The following NCAM1 variants were observed in gnomAD, a reference collection of about 807,000 sequenced individuals.
NCAM1 encodes antigen recognized by monoclonal antibody 5.1H11.
NCAM1 carries 14 observed loss-of-function variants against 109.8 expected under a neutral mutation model. That is an observed-to-expected ratio of 0.13 (90% CI 0.08 to 0.20). NCAM1 has a LOEUF of 0.20. Among genes scored for constraint, NCAM1 ranks in the 10% least tolerant of loss-of-function variants. The pLI, the probability that NCAM1 is intolerant of heterozygous loss-of-function variation, is 1.00. For synonymous variants in NCAM1, 418 were observed against 442.9 expected (o/e 0.94, Z 0.70); for missense variants, 774 against 1,109.9 (o/e 0.70, Z 4.30).
At chr11:113,248,813 G>C (rs1305926516) in intron 15 of NCAM1, among the ~76,000 whole-genome samples, 1 of 152,174 alleles carries the variant, frequency 6.6e-6, no homozygotes, top group East Asian at 1.9e-4. Flanking sequence ...TGGTTACTTG[G>C]CTCCTGAGCC....
At chr11:113,247,577 G>C (rs1555120541) in intron 15 of NCAM1, among the ~76,000 whole-genome samples, 1 of 152,242 alleles carries the variant, frequency 6.6e-6, no homozygotes, top group Middle Eastern at 3.4e-3. Context: ...AGCTTTATAG[G>C]GATGTCAGCT....
intron 1 of NCAM1, among the ~76,000 whole-genome samples, chr11:113,104,202 T>TTGGG (rs1940025809): frequency 3.9e-4 from 1 of 2,542 alleles, no homozygotes; most frequent in African/African-American, 1.5e-3. Flanking sequence ...GAAGAGGAGG[T>TTGGG]GGGGTGGGGG....
At chr11:113,161,990 G>C (rs1942615718) in intron 1 of NCAM1, among the ~76,000 whole-genome samples, 1 of 152,208 alleles carries the variant, frequency 6.6e-6, no homozygotes, top group African/African-American at 2.4e-5. Flanking sequence ...TGTGTGCCAG[G>C]TGAACTGCTG....
intron 1 of NCAM1, among the ~76,000 whole-genome samples, chr11:113,101,627 C>T (rs943157743): frequency 6.6e-6 from 1 of 152,170 alleles, no homozygotes; most frequent in Non-Finnish European, 1.5e-5. Context: ...TTTCTACTAT[C>T]TCTTTATGTA....
intron 1 of NCAM1, among the ~76,000 whole-genome samples, chr11:112,979,650 C>A (rs529238839): frequency 6.6e-6 from 1 of 151,928 alleles, no homozygotes; most frequent in Admixed American, 6.6e-5. Context: ...GTTTTGGGAT[C>A]TATCTGCTTC....
intron 1 of NCAM1, among the ~76,000 whole-genome samples, chr11:113,037,649 C>T (rs982284101): frequency 1.8e-4 from 27 of 152,316 alleles, no homozygotes; most frequent in Non-Finnish European, 2.4e-4. Context: ...TACAGCCTTA[C>T]GGTCAGTCAC....
intron 1 of NCAM1, among the ~76,000 whole-genome samples, chr11:113,032,620 C>T (rs1016182100): frequency 6.6e-6 from 1 of 152,194 alleles, no homozygotes; most frequent in Non-Finnish European, 1.5e-5. Context: ...TGGTGAGCAT[C>T]GTGGCGTTTT....
rs190866457 is a variant in NCAM1 at position 113,040,186 on chromosome 11, C to T, written c.52+78522C>T. Among the ~76,000 whole-genome samples, 185 of 151,980 alleles carry T rather than the reference C, an allele frequency of 1.2e-3. 2 individuals are homozygous for T. The East Asian group carries it at 0.029, about 24-fold the overall frequency. On this transcript the variant is annotated intron_variant, in intron 1 of 19. Coordinates refer to ENST00000316851, the MANE Select transcript of NCAM1 (RefSeq NM_181351.5). ...AATAAATAAATAAAATTAATTGATG[C>T]GATATCTTACCTTTTTGCTGTTGTT...
At chr11:113,221,163 G>A (rs1272582042) in intron 8 of NCAM1, 133 bp from the exon 9 acceptor site, 2 of 819,106 alleles carry the variant, frequency 2.4e-6, no homozygotes, top group Non-Finnish European at 3.9e-6. Flanking sequence ...ACCATTGAAA[G>A]TGGGCCTTGG....
In NCAM1 at chr11:113,271,871, G is replaced by A; in HGVS notation, c.2451G>A (p.Glu817=). ...CCAACGAGACCACGCCACTGACGGA[G>A]CCCGAGTACGTGGGCTGGGAGGGGC... ...TEPNETTPLT[E]PEKGPVEAKP... Residue 817 remains glutamate, a synonymous_variant, in exon 19 of 20, where the codon GAG becomes GAA. Coordinates refer to ENST00000316851, the MANE Select transcript of NCAM1 (RefSeq NM_181351.5). The A allele has an allele frequency of 1.9e-6, 3 of 1,562,150 alleles. No homozygotes were observed. The highest frequency in any genetic ancestry group is 2.4e-5 in the East Asian group (1 of 41,496).
intron 1 of NCAM1, among the ~76,000 whole-genome samples, chr11:112,964,107 T>C (rs915196244): frequency 2.0e-5 from 3 of 149,170 alleles, no homozygotes; most frequent in Non-Finnish European, 4.4e-5. Context: ...CAAGTATATA[T>C]ACATATGTAT....
chr11:112,966,055 A>G (rs1213763027), intron 1 of NCAM1, among the ~76,000 whole-genome samples: 1 of 152,204 alleles, frequency 6.6e-6, no homozygotes, highest in Non-Finnish European at 1.5e-5. Context: ...TGGTGTCAAG[A>G]TAAATATTTT....
At chr11:113,043,156 TG>T (rs1422645508) in intron 1 of NCAM1, among the ~76,000 whole-genome samples, 1 of 151,418 alleles carries the variant, frequency 6.6e-6, no homozygotes, top group Non-Finnish European at 1.5e-5. Context: ...GAGGGGGCAC[TG>T]GGGACAGATC....
chr11:112,993,763 G>A (rs781785805), intron 1 of NCAM1, among the ~76,000 whole-genome samples: 1 of 152,184 alleles, frequency 6.6e-6, no homozygotes, highest in Non-Finnish European at 1.5e-5. Flanking sequence ...TGTTCACTGA[G>A]GAGCCAAGTG....
chr11:113,009,606 G>C (rs1201263306), intron 1 of NCAM1, among the ~76,000 whole-genome samples: 4 of 152,040 alleles, frequency 2.6e-5, no homozygotes, highest in African/African-American at 9.7e-5. Context: ...GTGAGGATAG[G>C]AGTCTCCATG....
At chr11:113,269,706 C>A in intron 17 of NCAM1, 1 of 196,384 alleles carries the variant, frequency 5.1e-6, no homozygotes, top group Non-Finnish European at 1.0e-5. Flanking sequence ...TGATGGACAA[C>A]CCAACAAGCC....
chr11:113,055,177 C>T (rs782529699), intron 1 of NCAM1, among the ~76,000 whole-genome samples: 1 of 152,156 alleles, frequency 6.6e-6, no homozygotes, highest in Non-Finnish European at 1.5e-5. Context: ...TTTCACTTTT[C>T]AAATTTCAGT....
intron 1 of NCAM1, among the ~76,000 whole-genome samples, chr11:112,984,263 C>CAT (rs1252831294): frequency 2.4e-4 from 37 of 151,670 alleles, no homozygotes; most frequent in Admixed American, 6.6e-4. Context: ...GAATAATATT[C>CAT]ATATATATAT....
chr11:113,115,229 T>C (rs981481363), intron 1 of NCAM1, among the ~76,000 whole-genome samples: 2 of 152,104 alleles, frequency 1.3e-5, no homozygotes, highest in African/African-American at 2.4e-5. Context: ...TTAACCCAGA[T>C]GTCCATCATA....
Sources: gnomAD v4.1 joint callset for allele counts (sites outside exome capture counted in the v4.1 genomes callset) on GRCh38, gnomAD v4.1.1 for gene constraint, MANE v1.5 for transcripts, NCBI Gene and HGNC (gene_info 2026-07-23, HGNC 2026-07-21) for gene names.